CDH13: variants seen among roughly 807,000 people sequenced by gnomAD.
CDH13 encodes cadherin-13.
In CDH13, 24 loss-of-function variants were observed where a neutral mutation model predicts 63.8. The observed-to-expected ratio is 0.38, with a 90% CI of 0.27 to 0.53. CDH13 has a LOEUF of 0.53. CDH13 is among the 20% of genes least tolerant of loss of function. CDH13 has a pLI of 0.85. For synonymous variants in CDH13, 503 were observed against 355.3 expected, an observed-to-expected ratio of 1.42 and a Z score of -4.67; for missense variants, 1,049 against 903.1, an observed-to-expected ratio of 1.16 and a Z score of -2.07.
intron 3 of CDH13, among the ~76,000 whole-genome samples, chr16:83,069,407 T>G (rs973912407): frequency 6.6e-6 from 1 of 152,196 alleles, no homozygotes; most frequent in Non-Finnish European, 1.5e-5. Context: ...GAATCACCTA[T>G]AGAAACACCT....
intron 7 of CDH13, among the ~76,000 whole-genome samples, chr16:83,566,279 G>A (rs961653146): frequency 6.6e-6 from 1 of 152,142 alleles, no homozygotes; most frequent in African/African-American, 2.4e-5. Context: ...AGGAAGGACT[G>A]TTCTTCCCTT....
chr16:83,784,911 G>A (rs1353034039), intron 13 of CDH13, among the ~76,000 whole-genome samples: 1 of 152,122 alleles, frequency 6.6e-6, no homozygotes, highest in East Asian at 1.9e-4. Flanking sequence ...ACTTAACCTC[G>A]ATTATCTCAC....
At chr16:82,776,622 A>G (rs1354671634) in intron 1 of CDH13, among the ~76,000 whole-genome samples, 3 of 152,214 alleles carry the variant, frequency 2.0e-5, no homozygotes, top group Non-Finnish European at 2.9e-5. Flanking sequence ...TTTTAACTGA[A>G]TGAGGAAGTT....
chr16:83,285,196 A>G (rs2089278946), intron 5 of CDH13, among the ~76,000 whole-genome samples: 1 of 152,208 alleles, frequency 6.6e-6, no homozygotes. Context: ...TTAATGCAGA[A>G]AGTCCTACCC....
chr16:83,012,002 C>T (rs1176143434), intron 2 of CDH13, among the ~76,000 whole-genome samples: 1 of 152,090 alleles, frequency 6.6e-6, no homozygotes, highest in African/African-American at 2.4e-5. Context: ...GTGTTCAGAT[C>T]ACTAGATTTT....
chr16:83,118,358 G>A (rs4238730), intron 3 of CDH13, among the ~76,000 whole-genome samples: 63,601 of 152,084 alleles, frequency 0.42, 13,646 homozygotes, highest in Non-Finnish European at 0.49. Flanking sequence ...ACATCTGCTC[G>A]TGAGTGTGTG....
At position 83,564,409 on chromosome 16, in the gene CDH13, T is replaced by C. The variant is rs74959671; in HGVS notation, c.961-38045T>C. Among the ~76,000 whole-genome samples the C allele has an allele frequency of 6.5e-4, 21 of 32,258 alleles. 3 individuals are homozygous for C. Among genetic ancestry groups the C allele is most frequent in the Non-Finnish European group, 5.5e-4 (5 of 9,052 alleles). The allele number at this position is 32,258 out of a possible 152,430, so 21.2% of individuals were successfully genotyped here. On this transcript the variant is annotated intron_variant, in intron 7 of 13. Coordinates refer to ENST00000567109, the MANE Select transcript of CDH13 (RefSeq NM_001257.5). ...CATATGGGATGACTCTTTTTTTTTT[T>C]TTTTTTGTTTTTGTTTTGAGATGGA...
intron 5 of CDH13, among the ~76,000 whole-genome samples, chr16:83,219,433 G>A (rs1189467144): frequency 6.6e-6 from 1 of 152,136 alleles, no homozygotes; most frequent in African/African-American, 2.4e-5. Flanking sequence ...TTGACAAATT[G>A]TCTGCCTCAA....
intron 5 of CDH13, among the ~76,000 whole-genome samples, chr16:83,234,074 G>A (rs73591848): frequency 6.6e-6 from 1 of 152,204 alleles, no homozygotes; most frequent in Non-Finnish European, 1.5e-5. Flanking sequence ...GCTTCAAATA[G>A]GGTGACGGCC....
intron 6 of CDH13, among the ~76,000 whole-genome samples, chr16:83,460,747 A>G (rs1243230847): frequency 2.0e-5 from 3 of 151,780 alleles, no homozygotes; most frequent in African/African-American, 7.3e-5. Context: ...TAAACCCAGC[A>G]TTTTGGGAGG....
At chr16:83,515,250 C>G (rs1023356712) in intron 7 of CDH13, among the ~76,000 whole-genome samples, 1 of 152,094 alleles carries the variant, frequency 6.6e-6, no homozygotes, top group African/African-American at 2.4e-5. Context: ...CCAAACCAAC[C>G]CTGAGCCTCT....
chr16:82,888,392 G>T (rs2040964660), intron 2 of CDH13, among the ~76,000 whole-genome samples: 1 of 152,180 alleles, frequency 6.6e-6, no homozygotes, highest in South Asian at 2.1e-4. Context: ...TTCTTCTCTG[G>T]AGGCTTCAAA....
chr16:82,686,773 A>G (rs1447395716), intron 1 of CDH13, among the ~76,000 whole-genome samples: 3 of 152,166 alleles, frequency 2.0e-5, no homozygotes, highest in East Asian at 1.9e-4. Context: ...GCCTTTATAA[A>G]TGAGAGTTGA....
At chr16:83,171,208 A>T (rs2037902194) in intron 4 of CDH13, among the ~76,000 whole-genome samples, 1 of 152,142 alleles carries the variant, frequency 6.6e-6, no homozygotes, top group South Asian at 2.1e-4. Context: ...TCCTGGCAGA[A>T]CATGGCAGAA....
At chr16:83,588,047 A>T (rs1906343535) in intron 7 of CDH13, among the ~76,000 whole-genome samples, 1 of 151,660 alleles carries the variant, frequency 6.6e-6, no homozygotes, top group African/African-American at 2.4e-5. Flanking sequence ...ACACCTGGAG[A>T]TGTGTGGCTG....
chr16:82,735,048 G>A (rs1480982417), intron 1 of CDH13, among the ~76,000 whole-genome samples: 1 of 152,162 alleles, frequency 6.6e-6, no homozygotes, highest in East Asian at 1.9e-4. Context: ...ACCAGGAGGT[G>A]GCCAAGAGTT....
chr16:83,460,855 A>G (rs2073157937), intron 6 of CDH13, among the ~76,000 whole-genome samples: 1 of 150,186 alleles, frequency 6.7e-6, no homozygotes, highest in African/African-American at 2.5e-5. Flanking sequence ...AAAAAAAAAA[A>G]AAGTTGGGCA....
At chr16:82,832,021 T>C (rs932048600) in intron 1 of CDH13, among the ~76,000 whole-genome samples, 2 of 152,212 alleles carry the variant, frequency 1.3e-5, no homozygotes, top group Non-Finnish European at 2.9e-5. Flanking sequence ...GTCCCGCATA[T>C]GATAAATTAA....
chr16:83,026,247 T>C (rs1213419775), intron 2 of CDH13, among the ~76,000 whole-genome samples: 2 of 152,182 alleles, frequency 1.3e-5, no homozygotes, highest in Non-Finnish European at 2.9e-5. Flanking sequence ...CTGTCCTTTC[T>C]CCACTTGCCC....
Sources: allele counts gnomAD v4.1 joint callset (sites outside exome capture counted in the v4.1 genomes callset), GRCh38; gene constraint gnomAD v4.1.1; transcripts MANE v1.5; gene names NCBI Gene and HGNC (gene_info 2026-07-23, HGNC 2026-07-21).